Variants in IQSEC1 observed in about 807,000 individuals in gnomAD.
IQSEC1 encodes IQ motif and Sec7 domain ArfGEF 1.
Under a neutral mutation model 91.0 loss-of-function variants are expected in IQSEC1, and 31 were observed. The observed-to-expected ratio is 0.34, with a 90% confidence interval of 0.26 to 0.46. The LOEUF (loss-of-function observed/expected upper bound fraction) is 0.46. Ranked by LOEUF, IQSEC1 falls within the 20% of genes least tolerant of loss-of-function variation. The pLI is 1.00. For synonymous variants in IQSEC1, 699 were observed against 662.6 expected, an observed-to-expected ratio of 1.05 and a Z score of -0.84; for missense variants, 1,388 against 1,575.6, an observed-to-expected ratio of 0.88 and a Z score of 2.02.
chr3:13,002,110 A>G (rs1296159146), intron 1 of IQSEC1, among the ~76,000 whole-genome samples: 4 of 152,152 alleles, frequency 2.6e-5, no homozygotes, highest in Non-Finnish European at 5.9e-5. Flanking sequence ...AAAAACAAGT[A>G]GTGCTGAGAC....
rs200255526 is a variant in IQSEC1 at position 12,998,045 on chromosome 3, CA to C, written c.24-56181del. 2.1e-3 allele frequency among the ~76,000 whole-genome samples: 321 copies of C among 152,322 alleles called. 1 individual carries two copies. Among genetic ancestry groups the C allele is most frequent in the African/African-American group, 7.3e-3 (303 of 41,558 alleles). ...ATATGATGGAAGCCTATGCAGCCAT[CA>C]AAAAGAATGTGGCAGCTCTACGGCC... On this transcript the variant is annotated intron_variant, in intron 1 of 13. Transcript: ENST00000613206.
intron 1 of IQSEC1, among the ~76,000 whole-genome samples, chr3:13,026,068 G>A (rs565016322): frequency 5.3e-5 from 8 of 152,230 alleles, no homozygotes; most frequent in South Asian, 2.1e-4. Flanking sequence ...GGTTCCTGAC[G>A]GGGTGGCCAG....
At chr3:13,163,049 G>A (rs1452728842) in intron 2 of IQSEC1, among the ~76,000 whole-genome samples, 2 of 151,978 alleles carry the variant, frequency 1.3e-5, no homozygotes, top group Non-Finnish European at 2.9e-5. Context: ...TGCTTCCTGC[G>A]AGACCCTGCC....
intron 1 of IQSEC1, among the ~76,000 whole-genome samples, chr3:13,227,375 CAAAAAAAAAA>C (rs753199634): frequency 1.4e-5 from 1 of 70,070 alleles, no homozygotes; most frequent in East Asian, 4.5e-4. Context: ...GACTCTGTCT[CAAAAAAAAAA>C]AAAAAAAAAA....
chr3:12,934,192 C>T (rs1432713571), intron 3 of IQSEC1, among the ~76,000 whole-genome samples: 1 of 152,242 alleles, frequency 6.6e-6, no homozygotes, highest in Admixed American at 6.5e-5. Context: ...CAGCAAGCCA[C>T]AGGCAGATCA....
intron 2 of IQSEC1, among the ~76,000 whole-genome samples, chr3:12,939,045 A>G (rs1698502004): frequency 6.6e-6 from 1 of 152,126 alleles, no homozygotes; most frequent in African/African-American, 2.4e-5. Flanking sequence ...GATTCTACTA[A>G]CATGTGCTCA....
intron 1 of IQSEC1, among the ~76,000 whole-genome samples, chr3:13,206,692 T>C (rs1694351746): frequency 6.6e-6 from 1 of 152,142 alleles, no homozygotes; most frequent in African/African-American, 2.4e-5. Flanking sequence ...GAATGTAAGA[T>C]GGACAGCAGT....
rs1237989210 is a variant in IQSEC1 at position 13,103,984 on chromosome 3, A to G, written c.303-56462T>C. Among the ~76,000 whole-genome samples, 1 of 152,184 alleles carries G rather than the reference A, an allele frequency of 6.6e-6. No homozygotes were observed. Among genetic ancestry groups the G allele is most frequent in the Non-Finnish European group, 1.5e-5 (1 of 68,022 alleles). On this transcript the variant is annotated intron_variant, in intron 2 of 15. Transcript: ENST00000648114. This position sits in a 1 kb window ranked among gnomAD's most constrained non-coding sequence, Gnocchi z 4.1. ...CTAGTATCTTCATTTTATAGATGGG[A>G]AAACTCAGGCACAGAGAGTTTCAAT...
In IQSEC1 at chr3:12,900,424, C is replaced by T; in HGVS notation, c.*559G>A. On this transcript the variant is annotated 3_prime_UTR_variant, in exon 14 of 14. Transcript: ENST00000613206. ...TGCTAATGTGGACTGAAACGCCTGCCTTTCACACACAAGTACTACCTATAC... is the reference window on the plus strand; with the variant it reads ...TGCTAATGTGGACTGAAACGCCTGCTTTTCACACACAAGTACTACCTATAC... 1.0e-6 allele frequency: 1 copy of T among 974,216 alleles called. No individual in the cohort carries two copies. The highest frequency in any genetic ancestry group is 1.2e-6 in the Non-Finnish European group (1 of 821,266). The allele number at this position is 974,216 out of a possible 1,614,324, so 60.3% of individuals were successfully genotyped here. A position where few individuals can be genotyped will look rare whatever the true frequency, so the allele number is the denominator to read the frequency against.
intron 1 of IQSEC1, among the ~76,000 whole-genome samples, chr3:13,056,944 C>A (rs1454131369): frequency 6.6e-6 from 1 of 152,186 alleles, no homozygotes; most frequent in African/African-American, 2.4e-5. Flanking sequence ...GCACACAATG[C>A]ATACCTGTAA....
At chr3:13,041,663 C>G (rs567030178) in intron 1 of IQSEC1, among the ~76,000 whole-genome samples, 1 of 152,190 alleles carries the variant, frequency 6.6e-6, no homozygotes, top group African/African-American at 2.4e-5. Flanking sequence ...CTCGGAAGAA[C>G]CTGCCGGAGG....
Position 12,899,275 on chromosome 3 carries a change from C to T in IQSEC1, c.*1708G>A, listed in dbSNP as rs1384142333. On this transcript the variant is annotated 3_prime_UTR_variant, in exon 14 of 14. Coordinates refer to ENST00000613206, the MANE Select transcript of IQSEC1 (RefSeq NM_001134382.3). ...CCTGCCGTCCGGCCACGGCTCACCA[C>T]GCTGTCCACTGGGAACGCGGCCCCG... The T allele has an allele frequency of 4.5e-5, 54 of 1,190,870 alleles. No homozygotes were observed. Among genetic ancestry groups the T allele is most frequent in the East Asian group, 1.3e-4 (5 of 38,908 alleles). 73.8% of individuals were successfully genotyped at this position (1,190,870 alleles called of 1,614,324 possible). A position where few individuals can be genotyped will look rare whatever the true frequency, so the allele number is the denominator to read the frequency against.
At position 13,110,545 on chromosome 3, in the gene IQSEC1, C is replaced by T. The variant is rs144738704; in HGVS notation, c.302+53559G>A. On this transcript the variant is annotated intron_variant, in intron 2 of 15. Coordinates refer to the IQSEC1 transcript ENST00000648114. ...CCGAGGTTGCAGCGAGCCGAGATCG[C>T]GCCATTGCACTCCAGCCTGGCAACA... Among the ~76,000 whole-genome samples, 1,208 of 152,296 alleles carry T rather than the reference C, an allele frequency of 7.9e-3. 19 individuals are homozygous for T. Among genetic ancestry groups the T allele is most frequent in the African/African-American group, 0.025 (1,048 of 41,574 alleles).
intron 1 of IQSEC1, among the ~76,000 whole-genome samples, chr3:13,240,669 G>A (rs1358961407): frequency 3.3e-5 from 5 of 152,140 alleles, no homozygotes; most frequent in Non-Finnish European, 7.3e-5. Flanking sequence ...GAGCAGGTCC[G>A]TCACTCTGTA....
intron 2 of IQSEC1, among the ~76,000 whole-genome samples, chr3:13,140,092 A>C (rs1706775816): frequency 1.3e-5 from 2 of 152,048 alleles, no homozygotes; most frequent in African/African-American, 2.4e-5. Flanking sequence ...TCACCCCAGC[A>C]AGCTCCCCAC....
At chr3:13,009,509 A>G (rs1294465080) in intron 1 of IQSEC1, among the ~76,000 whole-genome samples, 2 of 151,840 alleles carry the variant, frequency 1.3e-5, no homozygotes, top group African/African-American at 4.8e-5. Flanking sequence ...CCCTTTGACC[A>G]CTTCCTGGGG....
intron 1 of IQSEC1, among the ~76,000 whole-genome samples, chr3:13,185,932 T>C (rs1035449482): frequency 6.6e-6 from 1 of 152,224 alleles, no homozygotes; most frequent in Non-Finnish European, 1.5e-5. Context: ...CTGCCCAAGG[T>C]GGGCGGGTCC....
chr3:13,034,210 G>C (rs1044904428), intron 1 of IQSEC1, among the ~76,000 whole-genome samples: 3 of 152,174 alleles, frequency 2.0e-5, no homozygotes, highest in African/African-American at 7.2e-5. Context: ...TCTCCCCCCA[G>C]AGTCAACTGG....
At chr3:12,902,643 CAAAAAAAAAAACAACAAAAAAAAAACCAA>C (rs1439820489) in intron 13 of IQSEC1, 101 bp downstream of exon 13, 57 of 305,558 alleles carry the variant, frequency 1.9e-4, no homozygotes, top group East Asian at 9.7e-4. Flanking sequence ...AAGGAAAAGC[CAAAAAAAAAAACAACAAAAAAAAAACCAA>C]AAAAAAAAAA....
Sources: allele counts gnomAD v4.1 joint callset (sites outside exome capture counted in the v4.1 genomes callset), GRCh38; gene constraint gnomAD v4.1.1; non-coding constraint Gnocchi (gnomAD v3.1); transcripts MANE v1.5; gene names NCBI Gene and HGNC (gene_info 2026-07-23, HGNC 2026-07-21).